ATP10B: variants seen among roughly 807,000 people sequenced by gnomAD.
ATP10B encodes the protein ATPase phospholipid transporting 10B (putative).
Under a neutral mutation model 141.2 loss-of-function variants are expected in ATP10B, and 122 were observed. The ratio of observed to expected loss-of-function variants is 0.86; its 90% CI spans 0.75 to 1.00. ATP10B has a LOEUF of 1.00. ATP10B is among the 50% of genes least tolerant of loss of function. The probability of loss-of-function intolerance (pLI) is 0.00; values close to 1 mark genes in which losing one functional copy is unlikely to be tolerated. For synonymous variants in ATP10B, 685 were observed against 692.0 expected (o/e 0.99, Z 0.16); for missense variants, 1,876 against 1,825.3 (o/e 1.03, Z -0.51).
intron 24 of ATP10B, among the ~76,000 whole-genome samples, chr5:160,572,525 T>C (rs987224431): frequency 2.0e-5 from 3 of 152,190 alleles, no homozygotes; most frequent in Non-Finnish European, 2.9e-5. Flanking sequence ...GGCTTAATAG[T>C]GCTAAAAGAG....
intron 1 of ATP10B, among the ~76,000 whole-genome samples, chr5:160,790,965 G>C (rs6861709): frequency 0.12 from 18,684 of 152,084 alleles, 1,223 homozygotes; most frequent in African/African-American, 0.14. Flanking sequence ...TAAAGTGAGA[G>C]AGACTGGATC....
intron 8 of ATP10B, among the ~76,000 whole-genome samples, chr5:160,645,197 G>A (rs1325051208): frequency 6.6e-6 from 1 of 150,844 alleles, no homozygotes; most frequent in African/African-American, 2.4e-5. Context: ...TAAACTTCCT[G>A]TCACTTTAAA....
chr5:160,604,815 A>G (rs1757293623), intron 19 of ATP10B, among the ~76,000 whole-genome samples: 1 of 152,188 alleles, frequency 6.6e-6, no homozygotes. Flanking sequence ...CCAATATAGA[A>G]ACCAGGAGCC....
chr5:160,910,931 G>A, the ATP10B span, among the ~76,000 whole-genome samples: 1 of 152,068 alleles, frequency 6.6e-6, no homozygotes, highest in African/African-American at 2.4e-5. Context: ...CTTTTTCCTG[G>A]GCGTAAGTTC....
intron 8 of ATP10B, among the ~76,000 whole-genome samples, chr5:160,647,062 G>T (rs1288250721): frequency 6.6e-6 from 1 of 152,188 alleles, no homozygotes; most frequent in African/African-American, 2.4e-5. Context: ...TTTGTTGTTG[G>T]TGGTGATTGT....
chr5:160,893,414 G>A, the ATP10B span, among the ~76,000 whole-genome samples: 8 of 152,216 alleles, frequency 5.3e-5, no homozygotes, highest in South Asian at 1.5e-3. Context: ...CCCTCCCAGT[G>A]TAAACAAAGC....
chr5:160,632,416 C>G (rs1759000579), intron 12 of ATP10B, 49 bp from the exon 13 acceptor site: 3 of 1,566,136 alleles, frequency 1.9e-6, no homozygotes, highest in Non-Finnish European at 2.6e-6. Flanking sequence ...TCGGCTGGAC[C>G]ATGTTGGGGA....
At chr5:160,684,173 T>C (rs1479487099) in intron 6 of ATP10B, among the ~76,000 whole-genome samples, 1 of 152,094 alleles carries the variant, frequency 6.6e-6, no homozygotes, top group East Asian at 1.9e-4. Context: ...CAGGGAGAAC[T>C]CCCAAAAACA....
intron 2 of ATP10B, among the ~76,000 whole-genome samples, chr5:160,743,506 A>G (rs1016094619): frequency 3.9e-5 from 6 of 152,130 alleles, no homozygotes; most frequent in African/African-American, 9.7e-5. Context: ...GTTGGAGGCA[A>G]TAGGAGACTG....
In ATP10B at chr5:160,565,546, G is replaced by T. The variant is rs1754479329; in HGVS notation, c.4293C>A (p.Asn1431Lys). The change falls in exon 26 of 26, where the codon AAC (asparagine) becomes AAA (lysine). Residue 1431 changes from asparagine (N) to lysine (K), a missense_variant. Asn to Lys is a moderately conservative substitution (Grantham distance 94). Transcript: ENST00000327245. The stretch of plus-strand genomic sequence containing the variant: ...GTCCTCTTGAGTAGGCCATTATCCT[G>T]TTAGGTCCCAGCAGGTGCTCCCCGG... ...LSSGEHLLGP[N>K]RIMAYSRGQT... is the part of the protein sequence containing the mutation. The T allele has an allele frequency of 3.7e-6, 6 of 1,614,110 alleles. No homozygotes were observed. Among genetic ancestry groups the T allele is most frequent in the African/African-American group, 1.3e-5 (1 of 75,040 alleles).
At chr5:160,619,376 G>A (rs985296013) in intron 15 of ATP10B, among the ~76,000 whole-genome samples, 2 of 152,166 alleles carry the variant, frequency 1.3e-5, no homozygotes, top group Non-Finnish European at 2.9e-5. Context: ...AATCAGGTGA[G>A]GAGCAAATAA....
At chr5:160,801,145 C>T in intron 1 of ATP10B, among the ~76,000 whole-genome samples, 1 of 152,148 alleles carries the variant, frequency 6.6e-6, no homozygotes. Context: ...AACATTCCAG[C>T]TGCCAGGGTC....
At chr5:160,697,775 A>T (rs1764456584) in intron 3 of ATP10B, among the ~76,000 whole-genome samples, 1 of 152,182 alleles carries the variant, frequency 6.6e-6, no homozygotes, top group African/African-American at 2.4e-5. Context: ...CTTTGTGGGA[A>T]AGGAAAGATG....
intron 10 of ATP10B, 80 bp downstream of exon 10, chr5:160,640,381 C>T (rs1759747593): frequency 6.6e-7 from 1 of 1,524,992 alleles, no homozygotes; most frequent in Non-Finnish European, 8.9e-7. Flanking sequence ...ATTAGCCCTA[C>T]TTTATAAATG....
intron 3 of ATP10B, among the ~76,000 whole-genome samples, chr5:160,693,878 A>T (rs1334000218): frequency 6.6e-6 from 1 of 152,202 alleles, no homozygotes; most frequent in African/African-American, 2.4e-5. Flanking sequence ...GCTGCGCAGC[A>T]TGGTTCCCAA....
At chr5:160,657,768 G>GGCA (rs1761607113) in intron 7 of ATP10B, among the ~76,000 whole-genome samples, 1 of 152,118 alleles carries the variant, frequency 6.6e-6, no homozygotes, top group Non-Finnish European at 1.5e-5. Flanking sequence ...TCCCTGTAAG[G>GGCA]GCATGCAGTC....
intron 10 of ATP10B, among the ~76,000 whole-genome samples, chr5:160,637,829 C>T (rs998115823): frequency 1.3e-5 from 2 of 152,132 alleles, no homozygotes; most frequent in Non-Finnish European, 2.9e-5. Flanking sequence ...GGCCAAATGC[C>T]GTCATACCTA....
At chr5:160,856,485 T>C (rs538003852), upstream of ATP10B, among the ~76,000 whole-genome samples, 1 of 151,864 alleles carries the variant, frequency 6.6e-6, no homozygotes, top group Non-Finnish European at 1.5e-5. Flanking sequence ...CTAATATGTA[T>C]GCCTATTATT....
chr5:160,821,943 T>C (rs888986642), intron 1 of ATP10B, among the ~76,000 whole-genome samples: 1 of 152,110 alleles, frequency 6.6e-6, no homozygotes, highest in Non-Finnish European at 1.5e-5. Context: ...TCCAGGATAC[T>C]GGACTGGGCA....
Sources: allele counts gnomAD v4.1 joint callset (sites outside exome capture counted in the v4.1 genomes callset), GRCh38; gene constraint gnomAD v4.1.1; transcripts MANE v1.5; gene names NCBI Gene and HGNC (gene_info 2026-07-23, HGNC 2026-07-21).